The following SHROOM3 variants were observed in gnomAD, a reference collection of about 807,000 sequenced individuals.
SHROOM3 encodes shroom family member 3, also known as protein Shroom3.
In SHROOM3, 47 loss-of-function variants were observed where a neutral mutation model predicts 138.6. That is an observed-to-expected ratio of 0.34 (90% CI 0.27 to 0.43). The LOEUF (loss-of-function observed/expected upper bound fraction) is 0.43, where lower values mean the gene tolerates loss of function less well. Among genes scored for constraint, SHROOM3 ranks in the 20% least tolerant of loss-of-function variants. SHROOM3 has a pLI of 1.00. For synonymous variants in SHROOM3, 1,062 were observed against 1,063.3 expected, an observed-to-expected ratio of 1.00 and a Z score of 0.02; for missense variants, 2,491 against 2,596.5, an observed-to-expected ratio of 0.96 and a Z score of 0.88.
intron 2 of SHROOM3, among the ~76,000 whole-genome samples, chr4:76,573,269 G>T (rs1366164908): frequency 2.6e-5 from 4 of 151,274 alleles, no homozygotes; most frequent in Non-Finnish European, 5.9e-5. Flanking sequence ...ATTTATTTTA[G>T]TCAAAGTAGG....
chr4:76,772,792 A>T (rs1722408426), intron 10 of SHROOM3, among the ~76,000 whole-genome samples: 1 of 152,172 alleles, frequency 6.6e-6, no homozygotes, highest in Non-Finnish European at 1.5e-5. Context: ...CTTATGGAGG[A>T]AAGCAGTATG....
At chr4:76,524,840 G>A (rs1439790007) in intron 1 of SHROOM3, among the ~76,000 whole-genome samples, 1 of 152,096 alleles carries the variant, frequency 6.6e-6, no homozygotes, top group Non-Finnish European at 1.5e-5. Flanking sequence ...AACACACAAG[G>A]CTGATGAGAT....
chr4:76,568,905 C>T (rs1733780727), intron 2 of SHROOM3, among the ~76,000 whole-genome samples: 1 of 152,178 alleles, frequency 6.6e-6, no homozygotes, highest in African/African-American at 2.4e-5. Flanking sequence ...AGTGACTTCA[C>T]CTCTCACTTT....
chr4:76,627,646 C>T (rs1401694920), intron 2 of SHROOM3, among the ~76,000 whole-genome samples: 1 of 150,688 alleles, frequency 6.6e-6, no homozygotes, highest in African/African-American at 2.4e-5. Context: ...ATACATATTC[C>T]TCTGTTTTGC....
intron 3 of SHROOM3, among the ~76,000 whole-genome samples, chr4:76,711,786 A>AACAT (rs1553940422): frequency 6.6e-6 from 1 of 151,952 alleles, no homozygotes; most frequent in Non-Finnish European, 1.5e-5. Flanking sequence ...ATGTTATATA[A>AACAT]TAAAACAACA....
At chr4:76,524,163 C>T (rs757065891) in intron 1 of SHROOM3, among the ~76,000 whole-genome samples, 10 of 152,146 alleles carry the variant, frequency 6.6e-5, no homozygotes, top group Non-Finnish European at 1.0e-4. Context: ...AAGAGAGAAA[C>T]GTAAGCATCT....
chr4:76,721,770 C>G (rs762137785), intron 3 of SHROOM3, among the ~76,000 whole-genome samples: 8 of 152,130 alleles, frequency 5.3e-5, no homozygotes, highest in Non-Finnish European at 1.0e-4. Flanking sequence ...TTCATGTTTG[C>G]CTGTATTTGC....
intron 5 of SHROOM3, 89 bp downstream of exon 5, chr4:76,742,015 C>T (rs1334996602): frequency 6.7e-7 from 1 of 1,494,306 alleles, no homozygotes. Flanking sequence ...CACTCTCACC[C>T]GCTCTCCCAG....
chr4:76,738,919 T>A lies in SHROOM3; in HGVS notation c.746T>A (p.Leu249His), dbSNP rs1261056574. The change falls in exon 5 of 11, where the codon CTC becomes CAC. Residue 249 changes from leucine (L) to histidine (H), a missense_variant. Physicochemically the swap from Leu to His is moderately conservative, Grantham distance 99 (BLOSUM62 -3). Coordinates refer to ENST00000296043, the MANE Select transcript of SHROOM3 (RefSeq NM_020859.4). Reference sequence around the variant, plus strand: ...AAGTCCACCGGCAGCATTGACCAGCTCAGCCACTTCCATAACAAGAGAGAC... The same window carrying A: ...AAGTCCACCGGCAGCATTGACCAGCACAGCCACTTCCATAACAAGAGAGAC... ...PAKSTGSIDQ[L>H]SHFHNKRDSA... The A allele has an allele frequency of 6.2e-7, 1 of 1,614,202 alleles. No homozygotes were observed.
intron 2 of SHROOM3, among the ~76,000 whole-genome samples, chr4:76,566,094 G>T (rs931631963): frequency 3.1e-5 from 4 of 127,816 alleles, no homozygotes; most frequent in African/African-American, 1.2e-4. Context: ...GGGCGACAGA[G>T]CAAAACCCTG....
intron 2 of SHROOM3, among the ~76,000 whole-genome samples, chr4:76,610,021 G>A: frequency 6.6e-6 from 1 of 152,128 alleles, no homozygotes; most frequent in East Asian, 1.9e-4. Context: ...GGCAAGAAAG[G>A]GGAAGACTTT....
intron 8 of SHROOM3, among the ~76,000 whole-genome samples, chr4:76,757,801 T>A (rs1413432292): frequency 6.6e-6 from 1 of 152,228 alleles, no homozygotes; most frequent in Non-Finnish European, 1.5e-5. Context: ...TTTTATTTCC[T>A]TAAAAGACTA....
intron 2 of SHROOM3, among the ~76,000 whole-genome samples, chr4:76,585,033 C>G (rs1734124716): frequency 6.6e-6 from 1 of 152,126 alleles, no homozygotes; most frequent in South Asian, 2.1e-4. Flanking sequence ...GTGGAACATT[C>G]TAGAGAGACA....
At chr4:76,730,683 G>T in intron 3 of SHROOM3, 121 bp from the exon 4 acceptor site, 1 of 1,259,074 alleles carries the variant, frequency 7.9e-7, no homozygotes, top group Non-Finnish European at 1.1e-6. Flanking sequence ...GTATTGACTT[G>T]GTTGCTTTTC....
intron 2 of SHROOM3, among the ~76,000 whole-genome samples, chr4:76,708,384 CA>C (rs3045221): frequency 0.27 from 34,267 of 128,668 alleles, 4,885 homozygotes; most frequent in African/African-American, 0.45. Context: ...AGACATTGTG[CA>C]AAAAAAAAAA....
chr4:76,773,146 G>A (rs61293054), intron 10 of SHROOM3, among the ~76,000 whole-genome samples: 3,169 of 152,148 alleles, frequency 0.021, 133 homozygotes, highest in African/African-American at 0.072. Flanking sequence ...GGAGGCCAAG[G>A]GGGGCAGATC....
At chr4:76,691,397 C>A (rs983395047) in intron 2 of SHROOM3, among the ~76,000 whole-genome samples, 1 of 152,088 alleles carries the variant, frequency 6.6e-6, no homozygotes, top group African/African-American at 2.4e-5. Context: ...GGACCAGGTC[C>A]TCTGTGACCT....
chr4:76,482,911 A>G (rs1043462290), intron 1 of SHROOM3, among the ~76,000 whole-genome samples: 4 of 152,204 alleles, frequency 2.6e-5, no homozygotes, highest in African/African-American at 9.7e-5. Context: ...AGGATTCCCT[A>G]TTTAATAAAT....
At chr4:76,595,241 G>T (rs181176990) in intron 2 of SHROOM3, among the ~76,000 whole-genome samples, 12 of 152,348 alleles carry the variant, frequency 7.9e-5, no homozygotes, top group African/African-American at 2.9e-4. Flanking sequence ...TATTTAGAAA[G>T]TAGGCAGCTA....
Sources: allele counts gnomAD v4.1 joint callset (sites outside exome capture counted in the v4.1 genomes callset), GRCh38; gene constraint gnomAD v4.1.1; transcripts MANE v1.5; gene names NCBI Gene and HGNC (gene_info 2026-07-23, HGNC 2026-07-21).